Variants in XKR6 observed in about 807,000 individuals in gnomAD.
XKR6 encodes XK-related protein 6.
A neutral mutation model predicts 56.7 loss-of-function variants in XKR6; 22 were observed. The observed-to-expected ratio is 0.39, with a 90% CI of 0.28 to 0.55. The LOEUF (loss-of-function observed/expected upper bound fraction) is 0.55, where lower values mean the gene tolerates loss of function less well. XKR6 is among the 20% of genes least tolerant of loss of function. XKR6 has a pLI of 0.66. For missense variants in XKR6, 852 were observed against 889.0 expected (o/e 0.96, Z 0.53); for synonymous variants, 524 against 387.8 (o/e 1.35, Z -4.13).
chr8:10,988,674 G>A (rs556234073), intron 1 of XKR6, among the ~76,000 whole-genome samples: 1 of 152,320 alleles, frequency 6.6e-6, no homozygotes, highest in South Asian at 2.1e-4. Context: ...CCTGCTCAGA[G>A]CCAAGGAGAA....
intron 1 of XKR6, among the ~76,000 whole-genome samples, chr8:11,144,492 C>T (rs1271635227): frequency 6.6e-6 from 1 of 151,720 alleles, no homozygotes; most frequent in Non-Finnish European, 1.5e-5. Context: ...ATGAAAGGAC[C>T]ACGTAATCTG....
intron 1 of XKR6, among the ~76,000 whole-genome samples, chr8:11,064,576 T>C (rs1010854468): frequency 6.6e-6 from 1 of 152,250 alleles, no homozygotes; most frequent in Admixed American, 6.5e-5. Context: ...AACTTTTCAT[T>C]TTCTGCCATC....
chr8:11,183,020 A>T (rs1803077797), intron 1 of XKR6, among the ~76,000 whole-genome samples: 1 of 152,176 alleles, frequency 6.6e-6, no homozygotes, highest in Non-Finnish European at 1.5e-5. Flanking sequence ...CTCCAGGTTC[A>T]TCCATGTTGC....
intron 2 of XKR6, among the ~76,000 whole-genome samples, chr8:10,899,564 A>C (rs1381002661): frequency 6.6e-6 from 1 of 151,592 alleles, no homozygotes; most frequent in Non-Finnish European, 1.5e-5. Context: ...TCTCTCACCC[A>C]CTCTGGTCTT....
intron 1 of XKR6, among the ~76,000 whole-genome samples, chr8:11,059,072 C>T (rs1563109577): frequency 6.9e-6 from 1 of 144,534 alleles, no homozygotes; most frequent in African/African-American, 2.8e-5. Context: ...AGGCTCTCAC[C>T]CACCTGTGCC....
chr8:11,093,791 T>C (rs1798165090), intron 1 of XKR6, among the ~76,000 whole-genome samples: 1 of 152,126 alleles, frequency 6.6e-6, no homozygotes, highest in African/African-American at 2.4e-5. Context: ...ATTTTTTTTG[T>C]TTGTTTTTTT....
intron 1 of XKR6, among the ~76,000 whole-genome samples, chr8:11,189,408 C>T (rs964078314): frequency 1.3e-5 from 2 of 152,202 alleles, no homozygotes; most frequent in Non-Finnish European, 2.9e-5. Flanking sequence ...GTCTTTCCTG[C>T]ATTCTAAATC....
intron 1 of XKR6, among the ~76,000 whole-genome samples, chr8:11,007,027 A>G: frequency 6.6e-6 from 1 of 152,134 alleles, no homozygotes; most frequent in South Asian, 2.1e-4. Context: ...CCCAAGAGGA[A>G]CCCTACCAGT....
chr8:11,059,659 C>CGCGGG (rs1563110049), intron 1 of XKR6, among the ~76,000 whole-genome samples: 1 of 129,314 alleles, frequency 7.7e-6, no homozygotes, highest in Non-Finnish European at 1.5e-5. Flanking sequence ...GTGCGGGGGG[C>CGCGGG]GCGGGGCGGG....
chr8:11,088,357 C>A (rs188217240), intron 1 of XKR6, among the ~76,000 whole-genome samples: 74 of 152,350 alleles, frequency 4.9e-4, no homozygotes, highest in Admixed American at 2.0e-3. Flanking sequence ...CAAACTGTTT[C>A]ATTACGGACA....
At chr8:10,924,926 C>G in intron 1 of XKR6, 96 bp from the exon 2 acceptor site, 1 of 1,308,350 alleles carries the variant, frequency 7.6e-7, no homozygotes. Flanking sequence ...GACTCAGCAT[C>G]CCCCCAACTC....
intron 1 of XKR6, among the ~76,000 whole-genome samples, chr8:11,016,806 C>G (rs556460427): frequency 6.6e-6 from 1 of 152,338 alleles, no homozygotes; most frequent in Non-Finnish European, 1.5e-5. Flanking sequence ...TCTTCTCTCT[C>G]GGGCCAGCCG....
chr8:11,141,931 G>T (rs985792679), intron 1 of XKR6, among the ~76,000 whole-genome samples: 1 of 151,250 alleles, frequency 6.6e-6, no homozygotes, highest in Non-Finnish European at 1.5e-5. Flanking sequence ...CTGGTAACTG[G>T]TTATAGGGAT....
chr8:11,145,861 A>G (rs1014428704), intron 1 of XKR6, among the ~76,000 whole-genome samples: 11 of 152,238 alleles, frequency 7.2e-5, no homozygotes, highest in African/African-American at 2.2e-4. Flanking sequence ...AAATTCAGAT[A>G]AAAATGCAAA....
At chr8:10,948,430 C>A (rs567213785) in intron 1 of XKR6, among the ~76,000 whole-genome samples, 1 of 152,272 alleles carries the variant, frequency 6.6e-6, no homozygotes, top group South Asian at 2.1e-4. Flanking sequence ...TCTGCTGCCC[C>A]CTGCCCTGGC....
intron 1 of XKR6, among the ~76,000 whole-genome samples, chr8:10,963,616 A>C (rs1802130110): frequency 6.6e-6 from 1 of 151,582 alleles, no homozygotes; most frequent in African/African-American, 2.4e-5. Flanking sequence ...GTCATGGAGC[A>C]CTGCATCCTC....
chr8:11,127,222 G>C (rs1233372798), intron 1 of XKR6, among the ~76,000 whole-genome samples: 1 of 152,150 alleles, frequency 6.6e-6, no homozygotes, highest in Non-Finnish European at 1.5e-5. Flanking sequence ...CTTGGAGGTG[G>C]TTATTCTGTT....
At chr8:10,947,047 G>A (rs1438079243) in intron 1 of XKR6, among the ~76,000 whole-genome samples, 3 of 152,148 alleles carry the variant, frequency 2.0e-5, no homozygotes, top group African/African-American at 7.2e-5. Flanking sequence ...CAGGAGGCAG[G>A]CATGGTGAGG....
At chr8:11,186,430 G>T (rs1216258922) in intron 1 of XKR6, among the ~76,000 whole-genome samples, 1 of 152,180 alleles carries the variant, frequency 6.6e-6, no homozygotes, top group Admixed American at 6.5e-5. Context: ...TATCCAGGCT[G>T]CAGTGGCACA....
Sources: gnomAD v4.1 joint callset for allele counts (sites outside exome capture counted in the v4.1 genomes callset) on GRCh38, gnomAD v4.1.1 for gene constraint, MANE v1.5 for transcripts, NCBI Gene and HGNC (gene_info 2026-07-23, HGNC 2026-07-21) for gene names.